TUBGCP3: variants seen among roughly 807,000 people sequenced by gnomAD.
TUBGCP3 encodes the protein gamma-tubulin complex component 3.
A neutral mutation model predicts 123.1 loss-of-function variants in TUBGCP3; 50 were observed. The ratio of observed to expected loss-of-function variants is 0.41; its 90% CI spans 0.32 to 0.51. The LOEUF (loss-of-function observed/expected upper bound fraction) is 0.51, where lower values mean the gene tolerates loss of function less well. TUBGCP3 is among the 20% of genes least tolerant of loss of function. The pLI is 0.36. For missense variants in TUBGCP3, 882 were observed against 1,127.0 expected, an observed-to-expected ratio of 0.78 and a Z score of 3.11; for synonymous variants, 405 against 413.9, an observed-to-expected ratio of 0.98 and a Z score of 0.26.
At chr13:112,536,092 G>C (rs905720508) in intron 11 of TUBGCP3, among the ~76,000 whole-genome samples, 1 of 152,178 alleles carries the variant, frequency 6.6e-6, no homozygotes, top group Non-Finnish European at 1.5e-5. Context: ...CTGGGCTCTC[G>C]CTTCTAGTCC....
At chr13:112,559,799 C>A (rs1394515255) in intron 3 of TUBGCP3, among the ~76,000 whole-genome samples, 1 of 152,206 alleles carries the variant, frequency 6.6e-6, no homozygotes, top group African/African-American at 2.4e-5. Flanking sequence ...ATTTAAGCCA[C>A]AAGCACAAGT....
At chr13:112,509,735 C>T (rs1372617160) in intron 17 of TUBGCP3, among the ~76,000 whole-genome samples, 3 of 152,180 alleles carry the variant, frequency 2.0e-5, no homozygotes, top group Admixed American at 6.5e-5. Flanking sequence ...ATCCACATGA[C>T]AGAAGTCTGA....
At chr13:112,600,601 T>C in the TUBGCP3 span, among the ~76,000 whole-genome samples, 13 of 152,178 alleles carry the variant, frequency 8.5e-5, no homozygotes, top group Non-Finnish European at 1.6e-4. Context: ...TTCTGTTATC[T>C]TGCTTTATGA....
At position 112,508,716 on chromosome 13, in the gene TUBGCP3, A is replaced by G. The variant is rs1881466250; in HGVS notation, c.2087-4002T>C. On this transcript the variant is annotated intron_variant, in intron 17 of 21. Coordinates refer to ENST00000261965, the MANE Select transcript of TUBGCP3 (RefSeq NM_006322.6). The surrounding 1 kb of genome is among the most constrained non-coding windows in gnomAD (Gnocchi z 4.2). ...ATTAGCGTATTTGAATGGAATCACT[A>G]TCCCCCCCAAAGAAGCTCTTCCTCC... 6.6e-6 allele frequency among the ~76,000 whole-genome samples: 1 copy of G among 151,332 alleles called. No individual in the cohort carries two copies. Among genetic ancestry groups the G allele is most frequent in the African/African-American group, 2.5e-5 (1 of 40,698 alleles).
At chr13:112,515,472 G>A (rs973736479) in intron 17 of TUBGCP3, among the ~76,000 whole-genome samples, 6 of 152,304 alleles carry the variant, frequency 3.9e-5, no homozygotes, top group South Asian at 2.1e-4. Context: ...CAACAGTGGC[G>A]AGAAGGACGG....
rs765868377 is a variant in TUBGCP3 at position 112,519,076 on chromosome 13, C to T, written c.1882-33G>A. On this transcript the variant is annotated intron_variant, in intron 15 of 21. Transcript: ENST00000261965. This position sits in a 1 kb window ranked among gnomAD's most constrained non-coding sequence, Gnocchi z 6.2. ...CAGAAACAAACACATAATTGCAAGA[C>T]CTTAAGCTTCTTGCTGAAGAACTTG... The T allele has an allele frequency of 3.2e-6, 5 of 1,546,082 alleles. No individual in the cohort carries two copies. Among genetic ancestry groups the T allele is most frequent in the Non-Finnish European group, 4.5e-6 (5 of 1,119,528 alleles).
upstream of TUBGCP3, among the ~76,000 whole-genome samples, chr13:112,591,253 A>G (rs1882877317): frequency 6.6e-6 from 1 of 152,232 alleles, no homozygotes; most frequent in Non-Finnish European, 1.5e-5. Context: ...TGCTTTGTCA[A>G]TTTGGACTTC....
chr13:112,511,514 G>C lies in TUBGCP3; in HGVS notation c.2086+4926C>G, dbSNP rs570819715. 1.3e-5 allele frequency among the ~76,000 whole-genome samples: 2 copies of C among 152,066 alleles called. No homozygotes were observed. Among genetic ancestry groups the C allele is most frequent in the African/African-American group, 4.8e-5 (2 of 41,404 alleles). On this transcript the variant is annotated intron_variant, in intron 17 of 21. Transcript: ENST00000261965. The surrounding 1 kb of genome is among the most constrained non-coding windows in gnomAD (Gnocchi z 4.1). The stretch of plus-strand genomic sequence containing the variant: ...GCCGGTACTAAAGGCTGTGCTGCCG[G>C]AGCACAGAGCCCAGCTCCAGGATCC...
chr13:112,590,912 G>T (rs753446972), upstream of TUBGCP3, among the ~76,000 whole-genome samples: 4 of 152,224 alleles, frequency 2.6e-5, no homozygotes, highest in Non-Finnish European at 4.4e-5. Flanking sequence ...GTCTTCATCT[G>T]AAATTATAAC....
In TUBGCP3 at chr13:112,508,713, ACTATC is replaced by A. The variant is rs200195973; in HGVS notation, c.2087-4004_2087-4000del. ...CAAATTAGCGTATTTGAATGGAATC[ACTATC>A]CCCCCCAAAGAAGCTCTTCCTCCAG... On this transcript the variant is annotated intron_variant, in intron 17 of 21. Transcript: ENST00000261965. This position sits in a 1 kb window ranked among gnomAD's most constrained non-coding sequence, Gnocchi z 4.2. Among the ~76,000 whole-genome samples, 391 of 152,242 alleles carry A rather than the reference ACTATC, an allele frequency of 2.6e-3. No homozygotes were observed. The highest frequency in any genetic ancestry group is 8.8e-3 in the African/African-American group (366 of 41,546).
At position 112,499,068 on chromosome 13, in the gene TUBGCP3, T is replaced by C. The variant is rs780015994; in HGVS notation, c.2425A>G (p.Lys809Glu). ...ELQRRLQFEEKKKQREIEGQW... is the reference protein window; with the variant it reads ...ELQRRLQFEEEKKQREIEGQW... ...ACCTCAATTTCACGCTGTTTCTTTT[T>C]CTCTTCAAACTGTAATCGTCTCTGC... Residue 809 changes from lysine (K) to glutamate (E), a missense_variant, in exon 20 of 22, where the codon AAA becomes GAA. Lys to Glu is a moderately conservative substitution (Grantham distance 56). This residue lies in a region of TUBGCP3 where 160 missense variants were observed against 220.3 expected (regional missense o/e 0.73). Coordinates refer to ENST00000261965, the MANE Select transcript of TUBGCP3 (RefSeq NM_006322.6). The C allele has an allele frequency of 1.2e-6, 2 of 1,614,106 alleles. No individual in the cohort carries two copies. Among genetic ancestry groups the C allele is most frequent in the Non-Finnish European group, 1.7e-6 (2 of 1,180,044 alleles).
At chr13:112,517,305 G>A (rs528757077) in intron 16 of TUBGCP3, among the ~76,000 whole-genome samples, 3 of 151,988 alleles carry the variant, frequency 2.0e-5, no homozygotes, top group African/African-American at 4.8e-5. Flanking sequence ...TTTTTTCCTC[G>A]AGTCCTTCTA....
At chr13:112,540,227 A>C (rs1457212842) in intron 11 of TUBGCP3, among the ~76,000 whole-genome samples, 2 of 140,618 alleles carry the variant, frequency 1.4e-5, no homozygotes, top group East Asian at 2.3e-4. Flanking sequence ...GCCTATGAGC[A>C]TTCAGGTGGT....
In TUBGCP3 at chr13:112,487,251, C is replaced by A. The variant is rs534544991; in HGVS notation, c.2566-1100G>T. Among the ~76,000 whole-genome samples, 8 of 152,310 alleles carry A rather than the reference C, an allele frequency of 5.3e-5. No homozygotes were observed. The South Asian group carries it at 8.3e-4, about 16-fold the overall frequency. ...ACTAAAAGGAAATCTAAGAATATTT[C>A]TTCCACAGGTTGAGACTGGATGTTC... On this transcript the variant is annotated intron_variant, in intron 21 of 21. Transcript: ENST00000261965.
intron 20 of TUBGCP3, among the ~76,000 whole-genome samples, chr13:112,496,352 A>AG (rs1022173423): frequency 5.9e-5 from 9 of 152,332 alleles, no homozygotes; most frequent in Non-Finnish European, 7.4e-5. Flanking sequence ...TGGTGGCACC[A>AG]GGGGGTGCAG....
upstream of TUBGCP3, among the ~76,000 whole-genome samples, chr13:112,591,908 G>A (rs1031915092): frequency 1.9e-4 from 29 of 152,282 alleles, no homozygotes; most frequent in South Asian, 1.0e-3. Context: ...CTTAGTTCAC[G>A]TGCCCCTTTA....
intron 11 of TUBGCP3, among the ~76,000 whole-genome samples, chr13:112,540,220 T>C (rs1361948071): frequency 7.0e-6 from 1 of 143,308 alleles, no homozygotes; most frequent in East Asian, 2.2e-4. Context: ...TGTAGTAGCC[T>C]ATGAGCATTC....
chr13:112,551,957 A>T (rs1879626301), intron 8 of TUBGCP3, among the ~76,000 whole-genome samples: 2 of 152,158 alleles, frequency 1.3e-5, no homozygotes, highest in Admixed American at 1.3e-4. Flanking sequence ...CATACGAAGC[A>T]TGCAACCTAG....
chr13:112,497,150 A>C (rs776213038), intron 20 of TUBGCP3, among the ~76,000 whole-genome samples: 2 of 152,202 alleles, frequency 1.3e-5, no homozygotes, highest in Admixed American at 6.5e-5. Context: ...TCACACATAG[A>C]TAAGTGACTC....
Sources: gnomAD v4.1 joint callset for allele counts (sites outside exome capture counted in the v4.1 genomes callset) on GRCh38, gnomAD v4.1.1 for gene constraint, gnomAD v4.1.1 regional missense constraint, Gnocchi (gnomAD v3.1) non-coding constraint, MANE v1.5 for transcripts, NCBI Gene and HGNC (gene_info 2026-07-23, HGNC 2026-07-21) for gene names.